The following TMCC3 variants were observed in gnomAD, a reference collection of about 807,000 sequenced individuals.
The protein encoded by TMCC3 is transmembrane and coiled-coil domain protein 3.
TMCC3 carries 28 observed loss-of-function variants against 40.2 expected under a neutral mutation model. The ratio of observed to expected loss-of-function variants is 0.70; its 90% confidence interval spans 0.52 to 0.95. The LOEUF is 0.95. TMCC3 is among the 40% of genes least tolerant of loss of function. TMCC3 has a pLI of 0.00. For missense variants in TMCC3, 554 were observed against 615.2 expected (o/e 0.90, Z 1.05); for synonymous variants, 255 against 248.5 (o/e 1.03, Z -0.25).
In TMCC3 at chr12:94,611,523, A is replaced by T. The variant is rs535365803; in HGVS notation, c.79-28985T>A. On this transcript the variant is annotated intron_variant, in intron 1 of 3. Transcript: ENST00000261226. ...CTTCACTGAGAATACTCATACAAGC[A>T]GACCATGGCAGTGTATGATAGGCGT... Among the ~76,000 whole-genome samples, 10 of 152,276 alleles carry T rather than the reference A, an allele frequency of 6.6e-5. No homozygotes were observed. The South Asian group carries it at 2.1e-3, about 32-fold the overall frequency.
chr12:94,650,546 G>C lies in TMCC3; in HGVS notation c.-116C>G. On this transcript the variant is annotated 5_prime_UTR_variant, in exon 1 of 4. Coordinates refer to ENST00000261226, the MANE Select transcript of TMCC3 (RefSeq NM_020698.4). ...GCGAGGGGGCGGCGCGGCTGCTGCA[G>C]CTGTTGCCTCTGGTGCCAACACCCG... The C allele has an allele frequency of 1.2e-6, 1 of 853,332 alleles. No homozygotes were observed. Among genetic ancestry groups the C allele is most frequent in the Non-Finnish European group, 1.5e-6 (1 of 656,520 alleles). 52.9% of individuals were successfully genotyped at this position (853,332 alleles called of 1,614,324 possible). A position where few individuals can be genotyped will look rare whatever the true frequency, so the allele number is the denominator to read the frequency against.
At chr12:94,618,805 G>A (rs941272440) in intron 1 of TMCC3, among the ~76,000 whole-genome samples, 2 of 152,128 alleles carry the variant, frequency 1.3e-5, no homozygotes, top group African/African-American at 4.8e-5. Flanking sequence ...ACACCCCACT[G>A]ACATATAGAA....
At chr12:94,628,015 C>A (rs1319815474) in intron 1 of TMCC3, among the ~76,000 whole-genome samples, 2 of 152,202 alleles carry the variant, frequency 1.3e-5, no homozygotes, top group Admixed American at 1.3e-4. Flanking sequence ...CAATCCACAT[C>A]TGTATTGCTC....
intron 1 of TMCC3, among the ~76,000 whole-genome samples, chr12:94,589,141 T>C (rs2068656553): frequency 6.6e-6 from 1 of 152,024 alleles, no homozygotes; most frequent in Non-Finnish European, 1.5e-5. Context: ...GTTGTTGTTT[T>C]TTTTTAGCTC....
In TMCC3 at chr12:94,581,931, T is replaced by C; in HGVS notation, c.686A>G (p.Glu229Gly). The C allele has an allele frequency of 6.2e-7, 1 of 1,614,232 alleles. No individual in the cohort carries two copies. The change falls in exon 2 of 4, where the codon GAG (glutamate) becomes GGG (glycine). Residue 229 changes from glutamate to glycine, a missense_variant. Coordinates refer to ENST00000261226, the MANE Select transcript of TMCC3 (RefSeq NM_020698.4). Reference sequence around the variant, plus strand: ...CCTGGCACTCGCCTCTGGCCTAAACTCCTCTAAGGAATTTTTCAAGTGAGC... The same window carrying C: ...CCTGGCACTCGCCTCTGGCCTAAACCCCTCTAAGGAATTTTTCAAGTGAGC... ...NIAHLKNSLE[E>G]FRPEASARAY...
intron 1 of TMCC3, among the ~76,000 whole-genome samples, chr12:94,595,219 A>G (rs2068708437): frequency 6.6e-6 from 1 of 152,156 alleles, no homozygotes; most frequent in Non-Finnish European, 1.5e-5. Flanking sequence ...CATAATCATA[A>G]TCTTAGTGGA....
At chr12:94,644,531 TCTC>T in intron 1 of TMCC3, 1 of 589,002 alleles carries the variant, frequency 1.7e-6, no homozygotes, top group Non-Finnish European at 2.1e-6. Context: ...GGCAGTTCCT[TCTC>T]CTCTAAAGGA....
chr12:94,625,638 G>A (rs1410374141), intron 1 of TMCC3, among the ~76,000 whole-genome samples: 1 of 151,634 alleles, frequency 6.6e-6, no homozygotes, highest in Admixed American at 6.6e-5. Context: ...TTCCAGAAGG[G>A]CAAATAGTCT....
At chr12:94,604,803 C>CAAAAAAA (rs11400128) in intron 1 of TMCC3, among the ~76,000 whole-genome samples, 4 of 53,318 alleles carry the variant, frequency 7.5e-5, no homozygotes, top group Non-Finnish European at 1.3e-4. Context: ...GACTTCATCT[C>CAAAAAAA]AAAAAAAAAA....
intron 1 of TMCC3, among the ~76,000 whole-genome samples, chr12:94,583,514 T>A (rs2068620086): frequency 1.3e-5 from 2 of 151,964 alleles, no homozygotes; most frequent in African/African-American, 4.8e-5. Flanking sequence ...TCTCAAAAAA[T>A]AAATAAATAA....
At position 94,618,671 on chromosome 12, in the gene TMCC3, T is replaced by C. The variant is rs7978852; in HGVS notation, c.78+31682A>G. Among the ~76,000 whole-genome samples, 226 of 152,118 alleles carry C rather than the reference T, an allele frequency of 1.5e-3. 1 individual carries two copies. Among genetic ancestry groups the C allele is most frequent in the Admixed American group, 0.011 (163 of 15,290 alleles). ...GGGCCGAGGAAGAACAAGTTCCTCC[T>C]CGCTCACATATGTAGTCTGAACCTG... On this transcript the variant is annotated intron_variant, in intron 1 of 3. Coordinates refer to ENST00000261226, the MANE Select transcript of TMCC3 (RefSeq NM_020698.4).
intron 1 of TMCC3, among the ~76,000 whole-genome samples, chr12:94,584,558 C>T (rs907119838): frequency 4.0e-5 from 6 of 151,752 alleles, no homozygotes; most frequent in East Asian, 1.9e-4. Flanking sequence ...CACTTCACCA[C>T]GTTATAAATC....
At chr12:94,635,672 T>G (rs1000497903) in intron 1 of TMCC3, among the ~76,000 whole-genome samples, 11 of 143,834 alleles carry the variant, frequency 7.6e-5, no homozygotes, top group Admixed American at 1.4e-4. Flanking sequence ...TTTTTTTTTT[T>G]TTTTTTTTTT....
At chr12:94,612,643 T>C (rs944957218) in intron 1 of TMCC3, among the ~76,000 whole-genome samples, 3 of 152,216 alleles carry the variant, frequency 2.0e-5, no homozygotes, top group Non-Finnish European at 4.4e-5. Flanking sequence ...CCTTCAAAAA[T>C]TGTTTCTACA....
At chr12:94,631,450 T>C (rs893292895) in intron 1 of TMCC3, among the ~76,000 whole-genome samples, 2 of 152,156 alleles carry the variant, frequency 1.3e-5, no homozygotes, top group African/African-American at 4.8e-5. Flanking sequence ...AGAGAAAATC[T>C]GGACACAGAC....
intron 1 of TMCC3, among the ~76,000 whole-genome samples, chr12:94,635,511 G>C (rs1262793627): frequency 6.6e-6 from 1 of 152,202 alleles, no homozygotes; most frequent in Non-Finnish European, 1.5e-5. Flanking sequence ...CGAATTTGAT[G>C]AGAGGTAACA....
chr12:94,628,253 G>A (rs971593946), intron 1 of TMCC3, among the ~76,000 whole-genome samples: 9 of 152,108 alleles, frequency 5.9e-5, no homozygotes, highest in African/African-American at 1.9e-4. Context: ...TGGGTGAAGG[G>A]GACTCCTTGG....
intron 3 of TMCC3, 27 bp downstream of exon 3, chr12:94,578,367 T>G (rs1402865539): frequency 6.2e-7 from 1 of 1,610,606 alleles, no homozygotes; most frequent in Non-Finnish European, 8.5e-7. Context: ...AGCCCAGGCC[T>G]GTGTCTAATC....
intron 3 of TMCC3, among the ~76,000 whole-genome samples, chr12:94,578,165 A>AAAAAAAAAG (rs1467855760): frequency 0.017 from 2,104 of 122,806 alleles, 144 homozygotes; most frequent in African/African-American, 0.045. Context: ...AAAAAAAAAA[A>AAAAAAAAAG]AAAGAAAAAG....
Sources: gnomAD v4.1 joint callset for allele counts (sites outside exome capture counted in the v4.1 genomes callset) on GRCh38, gnomAD v4.1.1 for gene constraint, MANE v1.5 for transcripts, NCBI Gene and HGNC (gene_info 2026-07-23, HGNC 2026-07-21) for gene names.